The following IL1RL1 variants were observed in gnomAD, a reference collection of about 807,000 sequenced individuals.
The protein encoded by IL1RL1 is interleukin 1 receptor like 1.
IL1RL1 carries 32 observed loss-of-function variants against 50.9 expected under a neutral mutation model. That is an observed-to-expected ratio of 0.63 (90% CI 0.47 to 0.84). IL1RL1 has a LOEUF of 0.84. Ranked by LOEUF, IL1RL1 falls within the 40% of genes least tolerant of loss-of-function variation. IL1RL1 has a pLI of 0.00. For missense variants in IL1RL1, 773 were observed against 662.9 expected (o/e 1.17, Z -1.82); for synonymous variants, 275 against 236.0 (o/e 1.17, Z -1.51).
intron 1 of IL1RL1, among the ~76,000 whole-genome samples, chr2:102,334,450 T>A (rs1235642036): frequency 6.6e-6 from 1 of 152,034 alleles, no homozygotes; most frequent in African/African-American, 2.4e-5. Context: ...CCCAGCATAT[T>A]CTCCAGAGGC....
At chr2:102,345,597 C>A (rs1255200159) in intron 8 of IL1RL1, 3 of 985,264 alleles carry the variant, frequency 3.0e-6, no homozygotes, top group South Asian at 4.7e-5. Flanking sequence ...GGACAGCGGG[C>A]CCCCAATATG....
At chr2:102,339,101 G>A (rs1677446340) in intron 3 of IL1RL1, 54 bp downstream of exon 3, 2 of 1,287,868 alleles carry the variant, frequency 1.6e-6, no homozygotes, top group Admixed American at 3.4e-5. Flanking sequence ...TTCTTCAGTG[G>A]TTGATTGCCT....
chr2:102,340,307 T>G lies in IL1RL1; in HGVS notation c.447+35T>G. The G allele has an allele frequency of 2.6e-6, 4 of 1,537,278 alleles. No homozygotes were observed. The East Asian group carries it at 6.9e-5, about 27-fold the overall frequency. The stretch of plus-strand genomic sequence containing the variant: ...AATTTGGAAGGAAATAGATGAAAAT[T>G]ACACAATTAAAATAGACACAAGTGG... On this transcript the variant is annotated intron_variant, in intron 4 of 10. Transcript: ENST00000233954.
At chr2:102,320,131 T>C (rs572058609) in intron 1 of IL1RL1, among the ~76,000 whole-genome samples, 1 of 152,188 alleles carries the variant, frequency 6.6e-6, no homozygotes, top group East Asian at 1.9e-4. Context: ...TTTTACCCCA[T>C]GGTGGGGAAA....
intron 1 of IL1RL1, among the ~76,000 whole-genome samples, chr2:102,334,969 A>C (rs1677273365): frequency 6.6e-6 from 1 of 152,136 alleles, no homozygotes; most frequent in African/African-American, 2.4e-5. Context: ...CAGGATTTCA[A>C]AACTGTAACA....
intron 1 of IL1RL1, among the ~76,000 whole-genome samples, chr2:102,320,387 T>C (rs1371723481): frequency 6.6e-6 from 1 of 152,100 alleles, no homozygotes. Flanking sequence ...AGTTGCTCTA[T>C]TGTGCCCTCA....
intron 10 of IL1RL1, 139 bp downstream of exon 10, chr2:102,349,385 A>G: frequency 1.5e-6 from 1 of 652,944 alleles, no homozygotes; most frequent in Non-Finnish European, 2.7e-6. Context: ...ATATTTATCC[A>G]GAAGCAGACA....
intron 5 of IL1RL1, 114 bp from the exon 6 acceptor site, chr2:102,342,109 C>G: frequency 1.6e-6 from 1 of 610,608 alleles, no homozygotes; most frequent in Non-Finnish European, 2.8e-6. Flanking sequence ...GGGTTATTGT[C>G]AGAAGAACTT....
intron 1 of IL1RL1, among the ~76,000 whole-genome samples, chr2:102,318,963 TAATATTA>T (rs1353077678): frequency 1.3e-5 from 2 of 152,164 alleles, no homozygotes; most frequent in Non-Finnish European, 2.9e-5. Flanking sequence ...TCAAATTCCA[TAATATTA>T]TTGCAAAACA....
intron 9 of IL1RL1, among the ~76,000 whole-genome samples, chr2:102,348,364 G>A (rs1677838801): frequency 6.6e-6 from 1 of 152,102 alleles, no homozygotes; most frequent in Admixed American, 6.6e-5. Flanking sequence ...AACAGAATCT[G>A]CCCCAAGCCC....
rs1677423214 is a variant in IL1RL1, at chr2:102,338,689, G to GA, written c.62-147dup. 17 of 651,828 alleles carry GA rather than the reference G, an allele frequency of 2.6e-5. No individual in the cohort carries two copies. In the South Asian group the frequency reaches 3.5e-4, roughly 13 times the overall value. The allele number at this position is 651,828 out of a possible 1,614,324, so 40.4% of individuals were successfully genotyped here. ...ATTAATTCATTAACATTTCATAAGA[G>GA]ATCTTAACAGTTACTTATTCTTTCC... On this transcript the variant is annotated intron_variant, in intron 2 of 10. Coordinates refer to ENST00000233954, the MANE Select transcript of IL1RL1 (RefSeq NM_016232.5).
chr2:102,324,755 T>C (rs11676075), intron 1 of IL1RL1, among the ~76,000 whole-genome samples: 72,758 of 152,018 alleles, frequency 0.48, 17,699 homozygotes, highest in Middle Eastern at 0.64. Flanking sequence ...CGCTCGTTGC[T>C]AGCAGAGCAG....
At chr2:102,313,405 G>A (rs13005049) in intron 1 of IL1RL1, 12,628 of 152,106 alleles carry the variant, frequency 0.083, 583 homozygotes, top group Middle Eastern at 0.31. Context: ...GCAGGATCTG[G>A]GATTCTCTCT....
At chr2:102,340,574 C>T (rs1035020549) in intron 4 of IL1RL1, 92 bp from the exon 5 acceptor site, 4 of 1,317,656 alleles carry the variant, frequency 3.0e-6, no homozygotes, top group Non-Finnish European at 4.2e-6. Context: ...GATTGCACCA[C>T]TCACTCCAGC....
chr2:102,340,552 A>G (rs1677513818), intron 4 of IL1RL1, 114 bp from the exon 5 acceptor site: 22 of 1,062,588 alleles, frequency 2.1e-5, no homozygotes, highest in Non-Finnish European at 2.9e-5. Flanking sequence ...GGCAGAGGTT[A>G]CAGCGAGCCC....
At chr2:102,312,002 TTTATATATA>T (rs1676519960) in intron 1 of IL1RL1, among the ~76,000 whole-genome samples, 1 of 28,538 alleles carries the variant, frequency 3.5e-5, no homozygotes, top group African/African-American at 1.8e-4. Flanking sequence ...ATATAATATA[TTTATATATA>T]TTATATATAA....
At chr2:102,338,815 T>C in intron 2 of IL1RL1, 22 bp from the exon 3 acceptor site, 3 of 1,528,660 alleles carry the variant, frequency 2.0e-6, no homozygotes, top group Non-Finnish European at 2.7e-6. Context: ...TTCAGGATTG[T>C]CTTTATATCT....
rs552471787 is a variant in IL1RL1, at chr2:102,338,440, A to C, written c.61+115A>C. The stretch of plus-strand genomic sequence containing the variant: ...TTGTTCCAGTTGAATTGTAAACTGA[A>C]AAATATATTGCTTTTGTACAATCAT... On this transcript the variant is annotated intron_variant, in intron 2 of 10. Coordinates refer to ENST00000233954, the MANE Select transcript of IL1RL1 (RefSeq NM_016232.5). 379 of 571,914 alleles carry C rather than the reference A, an allele frequency of 6.6e-4. 1 individual carries two copies. The highest frequency in any genetic ancestry group is 9.8e-4 in the Non-Finnish European group (322 of 328,444). 35.4% of individuals were successfully genotyped at this position (571,914 alleles called of 1,614,324 possible). A position where few individuals can be genotyped will look rare whatever the true frequency, so the allele number is the denominator to read the frequency against.
intron 1 of IL1RL1, among the ~76,000 whole-genome samples, chr2:102,327,786 T>G (rs59185885): frequency 0.17 from 26,213 of 151,928 alleles, 2,558 homozygotes; most frequent in African/African-American, 0.26. Flanking sequence ...TCACATACAC[T>G]CTCCCAAGAC....
Sources: gnomAD v4.1 joint callset for allele counts (sites outside exome capture counted in the v4.1 genomes callset) on GRCh38, gnomAD v4.1.1 for gene constraint, MANE v1.5 for transcripts, NCBI Gene and HGNC (gene_info 2026-07-23, HGNC 2026-07-21) for gene names.